Variants in INO80D observed in about 807,000 individuals in gnomAD.
The protein encoded by INO80D is INO80 complex subunit D.
A neutral mutation model predicts 87.6 loss-of-function variants in INO80D; 21 were observed. The observed-to-expected ratio is 0.24, with a 90% confidence interval of 0.17 to 0.35. The LOEUF (loss-of-function observed/expected upper bound fraction) is 0.35. INO80D is among the 10% of genes least tolerant of loss of function. The pLI is 1.00. For synonymous variants in INO80D, 440 were observed against 491.0 expected (o/e 0.90, Z 1.37); for missense variants, 982 against 1,280.7 (o/e 0.77, Z 3.56).
intron 1 of INO80D, among the ~76,000 whole-genome samples, chr2:206,071,257 CTTTTTTTTTTTTTTTTTTTTTT>C (rs60979396): frequency 3.7e-5 from 3 of 81,978 alleles, no homozygotes; most frequent in African/African-American, 5.0e-5. Flanking sequence ...CACGCCCGGC[CTTTTTTTTTTTTTTTTTTTTTT>C]TTTTTTTTTT....
intron 8 of INO80D, among the ~76,000 whole-genome samples, chr2:206,011,924 G>GT (rs753285486): frequency 6.6e-6 from 1 of 152,220 alleles, no homozygotes; most frequent in Non-Finnish European, 1.5e-5. Context: ...ACCTGACAGG[G>GT]TAACAGGCAG....
At chr2:206,033,095 C>G (rs999604286) in intron 5 of INO80D, among the ~76,000 whole-genome samples, 2 of 152,144 alleles carry the variant, frequency 1.3e-5, no homozygotes, top group African/African-American at 2.4e-5. Flanking sequence ...GGAGACTCAC[C>G]TAACATATAA....
intron 8 of INO80D, among the ~76,000 whole-genome samples, chr2:206,014,322 G>A (rs1182334005): frequency 6.6e-6 from 1 of 152,150 alleles, no homozygotes; most frequent in Non-Finnish European, 1.5e-5. Context: ...CAAGTTCTTG[G>A]TGAAGAAGCC....
At chr2:206,046,999 T>C (rs1363187794) in intron 4 of INO80D, among the ~76,000 whole-genome samples, 4 of 152,196 alleles carry the variant, frequency 2.6e-5, no homozygotes, top group African/African-American at 9.6e-5. Context: ...CAGGCTGCTC[T>C]TGAACGCCTG....
chr2:206,036,247 C>A (rs1316442648), intron 5 of INO80D, among the ~76,000 whole-genome samples: 1 of 152,074 alleles, frequency 6.6e-6, no homozygotes, highest in Admixed American at 6.5e-5. Context: ...CGGGTACCCA[C>A]CCAGAGGAAA....
intron 1 of INO80D, among the ~76,000 whole-genome samples, chr2:206,072,838 TTTC>T (rs1485331705): frequency 6.9e-6 from 1 of 145,900 alleles, no homozygotes; most frequent in Non-Finnish European, 1.5e-5. Flanking sequence ...AAAATCTAAC[TTTC>T]TTCTCTTTTT....
intron 5 of INO80D, among the ~76,000 whole-genome samples, chr2:206,041,933 A>G (rs1028349541): frequency 3.3e-5 from 5 of 152,132 alleles, no homozygotes; most frequent in African/African-American, 1.2e-4. Flanking sequence ...GGATCACTTG[A>G]GCCCAGGAGT....
intron 3 of INO80D, among the ~76,000 whole-genome samples, chr2:206,061,436 G>A (rs1689688063): frequency 6.6e-6 from 1 of 152,224 alleles, no homozygotes; most frequent in South Asian, 2.1e-4. Flanking sequence ...GGGGCTTGAT[G>A]TAAAAAAAAA....
intron 5 of INO80D, among the ~76,000 whole-genome samples, chr2:206,037,300 T>A (rs1575830142): frequency 6.6e-6 from 1 of 152,336 alleles, no homozygotes; most frequent in East Asian, 1.9e-4. Flanking sequence ...GGCTTGTCCA[T>A]AATCTCAAGG....
Position 206,024,611 on chromosome 2 carries a change from G to A in INO80D, c.1298+3500C>T, listed in dbSNP as rs572769495. ...GGCACAGTGCATCCATGTGAGATAT[G>A]CAACTGAAAATTAGGTCACTTTATT... On this transcript the variant is annotated intron_variant, in intron 6 of 10. Coordinates refer to ENST00000403263, the MANE Select transcript of INO80D (RefSeq NM_017759.5). 7.6e-4 allele frequency among the ~76,000 whole-genome samples: 115 copies of A among 152,220 alleles called. 3 individuals carry two copies. The South Asian group carries it at 0.023, about 31-fold the overall frequency.
At chr2:206,022,522 T>A (rs1047822306) in intron 6 of INO80D, among the ~76,000 whole-genome samples, 11 of 152,186 alleles carry the variant, frequency 7.2e-5, no homozygotes, top group Admixed American at 5.9e-4. Context: ...CCCTTTGACA[T>A]GCCCTATTGC....
intron 1 of INO80D, among the ~76,000 whole-genome samples, chr2:206,068,327 T>G (rs1413932547): frequency 6.6e-6 from 1 of 152,162 alleles, no homozygotes; most frequent in Non-Finnish European, 1.5e-5. Context: ...CTCAAACTCC[T>G]GCATTCAAGA....
At chr2:206,013,786 C>T (rs1299045376) in intron 8 of INO80D, among the ~76,000 whole-genome samples, 6 of 120,162 alleles carry the variant, frequency 5.0e-5, no homozygotes, top group African/African-American at 1.6e-4. Context: ...TGAAGGTCCA[C>T]AAAAGTGGTT....
chr2:206,051,156 A>C (rs1559453736), intron 4 of INO80D, among the ~76,000 whole-genome samples: 2 of 152,202 alleles, frequency 1.3e-5, no homozygotes, highest in Non-Finnish European at 1.5e-5. Context: ...ACTCAAAAGA[A>C]AGAAATCTTA....
At chr2:206,027,036 T>A (rs1410844855) in intron 6 of INO80D, among the ~76,000 whole-genome samples, 1 of 152,208 alleles carries the variant, frequency 6.6e-6, no homozygotes, top group Non-Finnish European at 1.5e-5. Flanking sequence ...AATTCAGTGA[T>A]AAAAGGAAAA....
rs1010148532 is a variant in INO80D at position 206,060,361 on chromosome 2, C to T, written c.218+2438G>A. Among the ~76,000 whole-genome samples the T allele has an allele frequency of 5.3e-5, 8 of 151,852 alleles. No homozygotes were observed. In the South Asian group the frequency reaches 1.7e-3, roughly 32 times the overall value. ...CAGCCTGGCCAACATGGTGAAACCCCATCTCTACTAAAAATACAAAAATTA... is the reference window on the plus strand; with the variant it reads ...CAGCCTGGCCAACATGGTGAAACCCTATCTCTACTAAAAATACAAAAATTA... On this transcript the variant is annotated intron_variant, in intron 3 of 10. Coordinates refer to ENST00000403263, the MANE Select transcript of INO80D (RefSeq NM_017759.5).
intron 1 of INO80D, among the ~76,000 whole-genome samples, chr2:206,076,997 G>A (rs1433015986): frequency 6.6e-6 from 1 of 152,152 alleles, no homozygotes; most frequent in Non-Finnish European, 1.5e-5. Context: ...TTAGAAGCCG[G>A]GCGCGGTGGC....
Position 206,062,754 on chromosome 2 carries a change from G to C in INO80D, c.218+45C>G, listed in dbSNP as rs746580412. The stretch of plus-strand genomic sequence containing the variant: ...AAAACAAGAAAAGAAAAAATTCCAA[G>C]CCTGTTAATGAAATCAAGGATTGAT... On this transcript the variant is annotated intron_variant, in intron 3 of 10. Coordinates refer to ENST00000403263, the MANE Select transcript of INO80D (RefSeq NM_017759.5). This position sits in a 1 kb window ranked among gnomAD's most constrained non-coding sequence, Gnocchi z 4.6. 9 of 1,489,308 alleles carry C rather than the reference G, an allele frequency of 6.0e-6. No homozygotes were observed. Among genetic ancestry groups the C allele is most frequent in the Non-Finnish European group, 8.2e-6 (9 of 1,100,280 alleles). 92.3% of individuals were successfully genotyped at this position (1,489,308 alleles called of 1,614,324 possible). A position where few individuals can be genotyped will look rare whatever the true frequency, so the allele number is the denominator to read the frequency against.
intron 3 of INO80D, among the ~76,000 whole-genome samples, chr2:206,058,690 C>A (rs1354705388): frequency 6.6e-6 from 1 of 151,988 alleles, no homozygotes; most frequent in Non-Finnish European, 1.5e-5. Flanking sequence ...GCTGAGACTG[C>A]ACCACTGCAT....
Sources: gnomAD v4.1 joint callset for allele counts (sites outside exome capture counted in the v4.1 genomes callset) on GRCh38, gnomAD v4.1.1 for gene constraint, Gnocchi (gnomAD v3.1) non-coding constraint, MANE v1.5 for transcripts, NCBI Gene and HGNC (gene_info 2026-07-23, HGNC 2026-07-21) for gene names.